Variants in GGT1 observed in about 807,000 individuals in gnomAD.
GGT1 encodes gamma-glutamyltransferase 1.
Under a neutral mutation model 56.0 loss-of-function variants are expected in GGT1, and 21 were observed. The observed-to-expected ratio is 0.38, with a 90% CI of 0.27 to 0.54. GGT1 has a LOEUF of 0.54. Ranked by LOEUF, GGT1 falls within the 20% of genes least tolerant of loss-of-function variation. GGT1 has a pLI of 0.82. For missense variants in GGT1, 466 were observed against 787.0 expected, an observed-to-expected ratio of 0.59 and a Z score of 4.88; for synonymous variants, 238 against 342.6, an observed-to-expected ratio of 0.69 and a Z score of 3.37.
At chr22:24,588,503 G>C in the GGT1 span, 8 of 755,930 alleles carry the variant, frequency 1.1e-5, no homozygotes, top group African/African-American at 1.0e-4. Context: ...CTGTGGCCTG[G>C]CACAGAGCCA....
chr22:24,610,185 C>CCTGG, intron 3 of GGT1, 65 bp from the exon 4 acceptor site: 1 of 317,892 alleles, frequency 3.1e-6, no homozygotes, highest in South Asian at 2.4e-5. Context: ...TTGAGCTGTG[C>CCTGG]CTGGGAGACA....
At position 24,625,610 on chromosome 22, in the gene GGT1, C is replaced by T. The variant is rs1251251592; in HGVS notation, c.1020+1694C>T. ...AGGCTGGAGTGCAGTGGCGCTATCT[C>T]GGCTCACTGTAAGCTCCGCCTCCTG... On this transcript the variant is annotated intron_variant, in intron 11 of 15. Transcript: ENST00000400382. Among the ~76,000 whole-genome samples the T allele has an allele frequency of 1.3e-4, 19 of 151,772 alleles. No individual in the cohort carries two copies. In the East Asian group the frequency reaches 2.5e-3, roughly 20 times the overall value.
the GGT1 span, chr22:24,586,197 G>C: frequency 4.3e-6 from 7 of 1,613,840 alleles, no homozygotes; most frequent in Non-Finnish European, 5.9e-6. Flanking sequence ...TTGAGCAGGA[G>C]CTGGGTGAGG....
chr22:24,618,918 G>A (rs2047235256), intron 7 of GGT1, among the ~76,000 whole-genome samples: 1 of 152,136 alleles, frequency 6.6e-6, no homozygotes, highest in Non-Finnish European at 1.5e-5. Context: ...CAGGGGGGAA[G>A]CAGGCCCAGG....
intron 11 of GGT1, among the ~76,000 whole-genome samples, chr22:24,626,624 T>C (rs1601771094): frequency 6.6e-6 from 1 of 151,838 alleles, no homozygotes; most frequent in East Asian, 1.9e-4. Context: ...GCGCCATCCT[T>C]GATTCTTCTC....
Position 24,628,672 on chromosome 22 carries a change from C to A in GGT1, c.1564-21C>A, listed in dbSNP as rs1200840871. 2 of 1,610,920 alleles carry A rather than the reference C, an allele frequency of 1.2e-6. No homozygotes were observed. Among genetic ancestry groups the A allele is most frequent in the East Asian group, 4.5e-5 (2 of 44,880 alleles). On this transcript the variant is annotated intron_variant, in intron 15 of 15. Coordinates refer to ENST00000400382, the MANE Select transcript of GGT1 (RefSeq NM_001288833.2). The surrounding 1 kb of genome is among the most constrained non-coding windows in gnomAD (Gnocchi z 5.7). ...GGCATCTGGAGCCCTGCTCAGGCTT[C>A]CCCTCTCCTCCCACCCCCAGGCAGT... is the stretch of plus-strand genomic sequence containing the variant.
intron 1 of GGT1, among the ~76,000 whole-genome samples, chr22:24,606,879 G>T (rs1360329264): frequency 6.6e-5 from 10 of 151,744 alleles, no homozygotes; most frequent in South Asian, 2.1e-4. Flanking sequence ...GGGCTCTCCG[G>T]CACCGTAGAC....
chr22:24,616,278 G>A (rs1601714213), intron 7 of GGT1, among the ~76,000 whole-genome samples: 1 of 151,802 alleles, frequency 6.6e-6, no homozygotes, highest in Non-Finnish European at 1.5e-5. Flanking sequence ...GTCAGGCGTG[G>A]TGGCACAGGC....
At chr22:24,596,933 AAAAG>A (rs1411508339) in intron 1 of GGT1, among the ~76,000 whole-genome samples, 1 of 149,674 alleles carries the variant, frequency 6.7e-6, no homozygotes, top group African/African-American at 2.5e-5. Context: ...AAAAAAAAAA[AAAAG>A]AACTGAAGCT....
chr22:24,596,906 C>T (rs2045701614), intron 1 of GGT1, among the ~76,000 whole-genome samples: 1 of 99,630 alleles, frequency 1.0e-5, no homozygotes, highest in African/African-American at 5.0e-5. Flanking sequence ...CAGAGCGAGA[C>T]TCTGTCTCAA....
rs1569054937 is a variant in GGT1 at position 24,611,547 on chromosome 22, T to TATCTATC, written c.164+303_164+309dup. Among the ~76,000 whole-genome samples the TATCTATC allele has an allele frequency of 9.9e-3, 209 of 21,064 alleles. 1 individual carries two copies. Among genetic ancestry groups the TATCTATC allele is most frequent in the African/African-American group, 0.017 (162 of 9,526 alleles). The allele number at this position is 21,064 out of a possible 152,430, so 13.8% of individuals were successfully genotyped here. A position where few individuals can be genotyped will look rare whatever the true frequency, so the allele number is the denominator to read the frequency against. On this transcript the variant is annotated intron_variant, in intron 5 of 15. Transcript: ENST00000400382. ...TCTATCTATCTATCTATCTATCATC[T>TATCTATC]ATCTATCTATCTATCTATCTATCTA...
upstream of GGT1, chr22:24,593,018 G>A: frequency 3.7e-6 from 4 of 1,071,888 alleles, no homozygotes; most frequent in Non-Finnish European, 4.5e-6. Context: ...GGCCCGGCCC[G>A]CCGGCCCAGC....
At chr22:24,605,021 G>GATATA (rs1444676892) in intron 1 of GGT1, among the ~76,000 whole-genome samples, 3 of 69,200 alleles carry the variant, frequency 4.3e-5, no homozygotes, top group African/African-American at 2.6e-4. Flanking sequence ...AATCCTGTAT[G>GATATA]TCATATATAT....
chr22:24,593,010 C>T, upstream of GGT1: 1 of 1,104,648 alleles, frequency 9.1e-7, no homozygotes, highest in Non-Finnish European at 1.1e-6. Flanking sequence ...CAGCCTCGGG[C>T]CCGGCCCGCC....
chr22:24,615,490 G>A (rs1360846029), intron 7 of GGT1, among the ~76,000 whole-genome samples: 1 of 152,198 alleles, frequency 6.6e-6, no homozygotes, highest in African/African-American at 2.4e-5. Flanking sequence ...GCTAGGGGAT[G>A]CTGTGTGGAT....
At chr22:24,587,142 A>C in the GGT1 span, among the ~76,000 whole-genome samples, 8,563 of 152,004 alleles carry the variant, frequency 0.056, 834 homozygotes, top group African/African-American at 0.19. Flanking sequence ...GCCCCTTCTG[A>C]TGTCGATTCT....
rs1299334777 is a variant in GGT1 at position 24,605,370 on chromosome 22, T to A, written c.-429+1843T>A. Among the ~76,000 whole-genome samples the A allele has an allele frequency of 8.2e-5, 5 of 61,196 alleles. 1 individual carries two copies. The highest frequency in any genetic ancestry group is 9.2e-4 in the East Asian group (2 of 2,182). The allele number at this position is 61,196 out of a possible 152,430, so 40.1% of individuals were successfully genotyped here. A position where few individuals can be genotyped will look rare whatever the true frequency, so the allele number is the denominator to read the frequency against. The stretch of plus-strand genomic sequence containing the variant: ...TATATTATATAATATGTATTATATA[T>A]TATATAATATTATAATATGTATTAT... On this transcript the variant is annotated intron_variant, in intron 1 of 15. Coordinates refer to ENST00000400382, the MANE Select transcript of GGT1 (RefSeq NM_001288833.2).
At chr22:24,606,064 A>G (rs1569050214) in intron 1 of GGT1, among the ~76,000 whole-genome samples, 1 of 98,054 alleles carries the variant, frequency 1.0e-5, no homozygotes, top group Non-Finnish European at 1.8e-5. Flanking sequence ...ATATTTATAT[A>G]ATTTATATAA....
upstream of GGT1, among the ~76,000 whole-genome samples, chr22:24,599,768 C>A (rs1285255965): frequency 6.6e-6 from 1 of 152,160 alleles, no homozygotes; most frequent in African/African-American, 2.4e-5. Context: ...CTGAGCCCAG[C>A]ATCCAAGAAG....
Sources: gnomAD v4.1 joint callset for allele counts (sites outside exome capture counted in the v4.1 genomes callset) on GRCh38, gnomAD v4.1.1 for gene constraint, Gnocchi (gnomAD v3.1) non-coding constraint, MANE v1.5 for transcripts, NCBI Gene and HGNC (gene_info 2026-07-23, HGNC 2026-07-21) for gene names.